RNF115: variants seen among roughly 807,000 people sequenced by gnomAD.
RNF115 encodes E3 ubiquitin-protein ligase RNF115.
A neutral mutation model predicts 39.2 loss-of-function variants in RNF115; 31 were observed. That is an observed-to-expected ratio of 0.79 (90% CI 0.59 to 1.07). The LOEUF is 1.07. RNF115 is among the 50% of genes least tolerant of loss of function. The pLI is 0.00. For missense variants in RNF115, 384 were observed against 381.7 expected (o/e 1.01, Z -0.05); for synonymous variants, 124 against 131.0 (o/e 0.95, Z 0.37).
intron 3 of RNF115, among the ~76,000 whole-genome samples, chr1:145,776,728 C>T (rs781948233): frequency 5.9e-5 from 9 of 151,880 alleles, no homozygotes; most frequent in Non-Finnish European, 8.8e-5. Context: ...CCCAGCTACT[C>T]GGGAAGCTGA....
rs1427745936 is a variant in RNF115, at chr1:145,739,876, A to C, written c.*6990T>G. 2 of 152,248 alleles carry C rather than the reference A, an allele frequency of 1.3e-5. No individual in the cohort carries two copies. Among genetic ancestry groups the C allele is most frequent in the African/African-American group, 2.4e-5 (1 of 41,462 alleles). The allele number at this position is 152,248 out of a possible 1,614,324, so 9.4% of individuals were successfully genotyped here. A position where few individuals can be genotyped will look rare whatever the true frequency, so the allele number is the denominator to read the frequency against. On this transcript the variant is annotated 3_prime_UTR_variant, in exon 9 of 9. Coordinates refer to ENST00000582693, the MANE Select transcript of RNF115 (RefSeq NM_014455.4). ...ATTACAGGCGTGAGCCACCTCACCC[A>C]GTGCAAATGAGGTTTTGAGATGCTA...
intron 4 of RNF115, among the ~76,000 whole-genome samples, chr1:145,754,206 G>C (rs1376905694): frequency 3.3e-5 from 5 of 151,944 alleles, no homozygotes. Flanking sequence ...ATATATTATG[G>C]TATATAACAT....
intron 1 of RNF115, among the ~76,000 whole-genome samples, chr1:145,807,204 T>C (rs1194677513): frequency 6.6e-6 from 1 of 152,190 alleles, no homozygotes; most frequent in African/African-American, 2.4e-5. Flanking sequence ...AAATAGAGTA[T>C]ATGTGTGTGT....
intron 1 of RNF115, among the ~76,000 whole-genome samples, chr1:145,795,621 C>T (rs968213585): frequency 6.6e-6 from 1 of 152,160 alleles, no homozygotes; most frequent in Admixed American, 6.5e-5. Context: ...CAGCGGGCTT[C>T]ACCTCTCAGT....
At chr1:145,754,002 C>T (rs1236192840) in intron 4 of RNF115, among the ~76,000 whole-genome samples, 1 of 152,130 alleles carries the variant, frequency 6.6e-6, no homozygotes. Flanking sequence ...AGCCACCACG[C>T]CCAGCAATGA....
intron 1 of RNF115, among the ~76,000 whole-genome samples, chr1:145,819,847 G>A (rs1158422717): frequency 1.3e-5 from 2 of 152,160 alleles, no homozygotes; most frequent in Non-Finnish European, 2.9e-5. Context: ...AAGCCAACCC[G>A]GCCAACACGG....
intron 1 of RNF115, among the ~76,000 whole-genome samples, chr1:145,799,073 T>C (rs1649107726): frequency 7.1e-6 from 1 of 140,206 alleles, no homozygotes; most frequent in Non-Finnish European, 1.6e-5. Context: ...TAGGGTTTTC[T>C]TTTTTTTTTT....
intron 1 of RNF115, among the ~76,000 whole-genome samples, chr1:145,811,883 C>CAAAAAAAAAAAAAAAAAAAAAA (rs67086842): frequency 2.8e-5 from 1 of 35,836 alleles, no homozygotes; most frequent in Admixed American, 4.8e-4. Context: ...TTCTGTCTCA[C>CAAAAAAAAAAAAAAAAAAAAAA]AAAAAAAAAA....
chr1:145,763,525 C>T (rs1553714146), intron 4 of RNF115, among the ~76,000 whole-genome samples: 1 of 152,172 alleles, frequency 6.6e-6, no homozygotes, highest in African/African-American at 2.4e-5. Flanking sequence ...TGGCAAAACC[C>T]CATCTCTACT....
chr1:145,767,148 C>T (rs1322620810), intron 4 of RNF115, among the ~76,000 whole-genome samples: 3 of 150,784 alleles, frequency 2.0e-5, no homozygotes, highest in Non-Finnish European at 3.0e-5. Context: ...GGGCGGCTGC[C>T]GGGCGGAGGG....
intron 4 of RNF115, among the ~76,000 whole-genome samples, 160 bp from the exon 5 acceptor site, chr1:145,753,209 G>A (rs782491838): frequency 3.9e-5 from 6 of 152,178 alleles, no homozygotes; most frequent in Non-Finnish European, 8.8e-5. Context: ...CCACACAGCG[G>A]TGTGCTATTT....
chr1:145,754,284 C>T (rs1401185195), intron 4 of RNF115, among the ~76,000 whole-genome samples: 4 of 152,132 alleles, frequency 2.6e-5, no homozygotes, highest in African/African-American at 7.2e-5. Flanking sequence ...ACCTCACAAA[C>T]TTATTTGCAA....
At chr1:145,790,425 C>T (rs1429335886) in intron 1 of RNF115, among the ~76,000 whole-genome samples, 2 of 151,220 alleles carry the variant, frequency 1.3e-5, no homozygotes, top group Admixed American at 6.6e-5. Flanking sequence ...TAGGCATGAG[C>T]CACTGCGCCC....
chr1:145,776,868 C>T (rs1647912117), intron 3 of RNF115, among the ~76,000 whole-genome samples: 1 of 152,148 alleles, frequency 6.6e-6, no homozygotes, highest in African/African-American at 2.4e-5. Flanking sequence ...ATACTGGTGA[C>T]ATAAAACACC....
At chr1:145,758,872 A>G (rs1340891340) in intron 4 of RNF115, among the ~76,000 whole-genome samples, 1 of 152,214 alleles carries the variant, frequency 6.6e-6, no homozygotes, top group Non-Finnish European at 1.5e-5. Context: ...TAGTTGACAG[A>G]GTATTTACAA....
intron 1 of RNF115, among the ~76,000 whole-genome samples, chr1:145,803,658 G>A (rs898410585): frequency 6.6e-6 from 1 of 152,196 alleles, no homozygotes; most frequent in African/African-American, 2.4e-5. Context: ...AAAGTGCTGG[G>A]ATTAGAGGCG....
chr1:145,759,463 A>G (rs1658421991), intron 4 of RNF115, among the ~76,000 whole-genome samples: 1 of 152,154 alleles, frequency 6.6e-6, no homozygotes, highest in Admixed American at 6.5e-5. Context: ...CCTTGGTGTC[A>G]TAACTCTTCT....
chr1:145,788,877 T>C (rs1269297813), intron 2 of RNF115, 31 bp downstream of exon 2: 3 of 1,489,286 alleles, frequency 2.0e-6, no homozygotes, highest in East Asian at 4.5e-5. Context: ...GATAATAGAA[T>C]GTCTGATTTA....
At chr1:145,751,121 T>C (rs782435366) in intron 6 of RNF115, among the ~76,000 whole-genome samples, 19 of 152,314 alleles carry the variant, frequency 1.2e-4, no homozygotes, top group South Asian at 1.2e-3. Context: ...CCTCCTTTTT[T>C]TGTGAAATAT....
Sources: allele counts gnomAD v4.1 joint callset (sites outside exome capture counted in the v4.1 genomes callset), GRCh38; gene constraint gnomAD v4.1.1; transcripts MANE v1.5; gene names NCBI Gene and HGNC (gene_info 2026-07-23, HGNC 2026-07-21).